Variants in KIF26B observed in about 807,000 individuals in gnomAD.
KIF26B encodes kinesin-like protein KIF26B.
Under a neutral mutation model 151.2 loss-of-function variants are expected in KIF26B, and 63 were observed. The observed-to-expected ratio is 0.42, with a 90% CI of 0.34 to 0.51. KIF26B has a LOEUF of 0.51. KIF26B is among the 20% of genes least tolerant of loss of function. The pLI is 0.07. For missense variants in KIF26B, 2,813 were observed against 2,913.6 expected, an observed-to-expected ratio of 0.97 and a Z score of 0.79; for synonymous variants, 1,357 against 1,262.1, an observed-to-expected ratio of 1.08 and a Z score of -1.59.
At chr1:245,192,880 A>G (rs1669133123) in intron 2 of KIF26B, among the ~76,000 whole-genome samples, 2 of 130,222 alleles carry the variant, frequency 1.5e-5, no homozygotes, top group Non-Finnish European at 3.3e-5. Flanking sequence ...AGTGAACATT[A>G]CACCCAACAG....
At chr1:245,452,723 T>G (rs1422371738) in intron 4 of KIF26B, among the ~76,000 whole-genome samples, 2 of 152,196 alleles carry the variant, frequency 1.3e-5, no homozygotes, top group Admixed American at 1.3e-4. Context: ...TCTTCATGTG[T>G]TTACTGGTCA....
At chr1:245,353,481 C>T (rs953996976) in intron 2 of KIF26B, among the ~76,000 whole-genome samples, 7 of 152,164 alleles carry the variant, frequency 4.6e-5, no homozygotes, top group Non-Finnish European at 7.3e-5. Context: ...AGATTCGGAT[C>T]GTGGCACATC....
intron 2 of KIF26B, among the ~76,000 whole-genome samples, chr1:245,260,982 G>C (rs886643858): frequency 4.6e-5 from 7 of 151,984 alleles, no homozygotes; most frequent in African/African-American, 1.5e-4. Context: ...ACTCTTGCCT[G>C]TCCTTCCTTC....
chr1:245,561,818 C>G (rs1295338216), intron 5 of KIF26B, among the ~76,000 whole-genome samples: 1 of 152,148 alleles, frequency 6.6e-6, no homozygotes, highest in Non-Finnish European at 1.5e-5. Context: ...TAACAACTAT[C>G]GTAGGTGTAG....
intron 4 of KIF26B, among the ~76,000 whole-genome samples, chr1:245,497,441 C>CT (rs901053125): frequency 3.2e-4 from 48 of 151,210 alleles, no homozygotes; most frequent in African/African-American, 1.0e-3. Flanking sequence ...ATTCAGAGTA[C>CT]TTTTTTTTTG....
intron 2 of KIF26B, among the ~76,000 whole-genome samples, chr1:245,338,004 C>T (rs1215097387): frequency 2.0e-5 from 3 of 152,160 alleles, no homozygotes; most frequent in Non-Finnish European, 4.4e-5. Context: ...AGAGAGGGGA[C>T]AGAAAGCAGA....
chr1:245,700,250 A>G (rs1200199524), intron 14 of KIF26B, among the ~76,000 whole-genome samples: 1 of 152,140 alleles, frequency 6.6e-6, no homozygotes, highest in Non-Finnish European at 1.5e-5. Context: ...GTAAAATGGG[A>G]AAAATAATGG....
At chr1:245,410,510 A>G (rs1674251970) in intron 3 of KIF26B, among the ~76,000 whole-genome samples, 1 of 152,292 alleles carries the variant, frequency 6.6e-6, no homozygotes, top group East Asian at 1.9e-4. Flanking sequence ...GTGCAGTGGC[A>G]CAATCATAGC....
At chr1:245,169,969 C>T (rs1434138511) in intron 2 of KIF26B, among the ~76,000 whole-genome samples, 1 of 151,974 alleles carries the variant, frequency 6.6e-6, no homozygotes, top group Admixed American at 6.6e-5. Flanking sequence ...ACTCCGTGAG[C>T]GTAGTTAATG....
intron 4 of KIF26B, among the ~76,000 whole-genome samples, chr1:245,459,035 G>A (rs1408500597): frequency 2.0e-5 from 3 of 152,212 alleles, no homozygotes; most frequent in African/African-American, 7.2e-5. Flanking sequence ...CATGTCATGA[G>A]TCAGGCTTAC....
At chr1:245,530,084 A>G (rs1263046482) in intron 4 of KIF26B, among the ~76,000 whole-genome samples, 1 of 152,164 alleles carries the variant, frequency 6.6e-6, no homozygotes, top group Non-Finnish European at 1.5e-5. Context: ...GGTGCTCAAC[A>G]TCATTCATTG....
chr1:245,613,830 A>G (rs1477979719), intron 9 of KIF26B, among the ~76,000 whole-genome samples: 3 of 152,186 alleles, frequency 2.0e-5, no homozygotes, highest in Non-Finnish European at 2.9e-5. Context: ...AGTATAAGGT[A>G]CATTCACCAA....
chr1:245,290,192 T>C (rs1229061149), intron 2 of KIF26B, among the ~76,000 whole-genome samples: 1 of 26,230 alleles, frequency 3.8e-5, no homozygotes, highest in Non-Finnish European at 7.3e-5. Context: ...AATGAATGAA[T>C]GAATGAATGA....
Position 245,235,900 on chromosome 1 carries a change from T to C in KIF26B, c.465+79217T>C, listed in dbSNP as rs553970702. Among the ~76,000 whole-genome samples, 233 of 151,540 alleles carry C rather than the reference T, an allele frequency of 1.5e-3. 2 individuals carry two copies. Among genetic ancestry groups the C allele is most frequent in the African/African-American group, 5.4e-3 (223 of 41,278 alleles). On this transcript the variant is annotated intron_variant, in intron 2 of 14. Transcript: ENST00000407071. ...TCGCCTTCCCAAAACACCCCACCAC[T>C]ATAAGCTGCTTGTACACACTGCATC...
intron 4 of KIF26B, among the ~76,000 whole-genome samples, chr1:245,520,826 G>T (rs889338963): frequency 1.4e-4 from 22 of 152,184 alleles, no homozygotes; most frequent in Non-Finnish European, 2.6e-4. Context: ...CGGACCACAT[G>T]CCTTTCCCTT....
intron 2 of KIF26B, among the ~76,000 whole-genome samples, chr1:245,278,023 G>T (rs1250115156): frequency 1.3e-5 from 2 of 152,240 alleles, no homozygotes; most frequent in East Asian, 1.9e-4. Flanking sequence ...AAGGGGTGGG[G>T]TGAAGTTATT....
chr1:245,568,811 G>A (rs749097043), intron 5 of KIF26B, among the ~76,000 whole-genome samples: 1 of 152,164 alleles, frequency 6.6e-6, no homozygotes, highest in Non-Finnish European at 1.5e-5. Flanking sequence ...AATCCCAAGA[G>A]TTTCATGATC....
intron 4 of KIF26B, among the ~76,000 whole-genome samples, chr1:245,461,872 G>C (rs1441318468): frequency 6.6e-6 from 1 of 152,310 alleles, no homozygotes; most frequent in East Asian, 1.9e-4. Context: ...CCAGCCTTTA[G>C]AGAGGCTGAG....
chr1:245,416,562 TGAA>T (rs1015661181), intron 3 of KIF26B, among the ~76,000 whole-genome samples: 25 of 152,066 alleles, frequency 1.6e-4, no homozygotes, highest in African/African-American at 6.0e-4. Context: ...ATGCATGATA[TGAA>T]CCGAAGTGGA....
Sources: gnomAD v4.1 joint callset for allele counts (sites outside exome capture counted in the v4.1 genomes callset) on GRCh38, gnomAD v4.1.1 for gene constraint, MANE v1.5 for transcripts, NCBI Gene and HGNC (gene_info 2026-07-23, HGNC 2026-07-21) for gene names.